ITIH4: variants seen among roughly 807,000 people sequenced by gnomAD.
ITIH4 encodes the protein inter-alpha-trypsin inhibitor heavy chain 4.
ITIH4 carries 79 observed loss-of-function variants against 111.8 expected under a neutral mutation model. The observed-to-expected ratio is 0.71, with a 90% confidence interval of 0.59 to 0.85. The LOEUF is 0.85. Among genes scored for constraint, ITIH4 ranks in the 40% least tolerant of loss-of-function variants. The pLI is 0.00. For missense variants in ITIH4, 1,065 were observed against 1,195.8 expected (o/e 0.89, Z 1.61); for synonymous variants, 472 against 468.3 (o/e 1.01, Z -0.10).
rs141191778 is a variant in ITIH4, at chr3:52,823,594, C to G, written c.1501G>C (p.Gly501Arg). 6.2e-6 allele frequency: 10 copies of G among 1,613,346 alleles called. No homozygotes were observed. Among genetic ancestry groups the G allele is most frequent in the Non-Finnish European group, 8.5e-6 (10 of 1,179,772 alleles). ...MVVAGKLQDR[G>R]PDVLTATVSG... Reference sequence around the variant, plus strand: ...ACTGTGGCTGTGAGCACATCAGGCCCCCGGTCCTGGAGCTTCCCAGCCACC... The same window carrying G: ...ACTGTGGCTGTGAGCACATCAGGCCGCCGGTCCTGGAGCTTCCCAGCCACC... The change falls in exon 11 of 24, where the codon GGG (glycine) becomes CGG (arginine). Residue 501 changes from glycine to arginine, a missense_variant. Gly to Arg is a moderately radical substitution (Grantham distance 125). Transcript: ENST00000266041.
chr3:52,815,000 T>TTGTGTTTAATCA (rs1700255050), intron 21 of ITIH4, among the ~76,000 whole-genome samples: 1 of 152,238 alleles, frequency 6.6e-6, no homozygotes, highest in Admixed American at 6.5e-5. Flanking sequence ...TTTGGATGAC[T>TTGTGTTTAATCA]TGTGTTTAAT....
intron 1 of ITIH4, 127 bp from the exon 2 acceptor site, chr3:52,829,406 C>T (rs987363503): frequency 2.0e-5 from 19 of 959,442 alleles, no homozygotes; most frequent in Non-Finnish European, 2.9e-5. Flanking sequence ...GACTGAGCCA[C>T]TGACCAGGCC....
At chr3:52,823,468 TG>T (rs1700422085) in intron 11 of ITIH4, 87 bp downstream of exon 11, 1 of 1,092,042 alleles carries the variant, frequency 9.2e-7, no homozygotes, top group Non-Finnish European at 1.3e-6. Flanking sequence ...AAGCTGGAGC[TG>T]GGCAGGTCTG....
chr3:52,817,732 T>C (rs977817234), intron 20 of ITIH4, among the ~76,000 whole-genome samples: 2 of 152,250 alleles, frequency 1.3e-5, no homozygotes, highest in Non-Finnish European at 1.5e-5. Flanking sequence ...GCACCCGCCA[T>C]GGCCCTGCCA....
At position 52,823,744 on chromosome 3, in the gene ITIH4, G is replaced by A; in HGVS notation, c.1354-3C>T. ...TTGGCCACTTCCTGGTAGAAGTCCT[G>A]CAGGGTTGGGGGTGTCATAAAGGCT... On this transcript the variant is annotated splice_polypyrimidine_tract_variant and splice_region_variant and intron_variant, in intron 10 of 23. Transcript: ENST00000266041. 1 of 1,614,154 alleles carries A rather than the reference G, an allele frequency of 6.2e-7. No homozygotes were observed. The highest frequency in any genetic ancestry group is 1.1e-5 in the South Asian group (1 of 91,086).
Position 52,817,005 on chromosome 3 carries a change from C to A in ITIH4, c.2350G>T (p.Glu784Ter). 6.2e-7 allele frequency: 1 copy of A among 1,613,968 alleles called. No homozygotes were observed. Among genetic ancestry groups the A allele is most frequent in the Non-Finnish European group, 8.5e-7 (1 of 1,179,946 alleles). The part of the protein sequence containing the change: ...EREKAGFSWI[E>*]VTFKNPLVWV... Reference sequence around the variant, plus strand: ...ACCAGGGGGTTCTTGAAGGTCACTTCGATCCATGAGAACCCAGCCTTCTCC... The same window carrying A: ...ACCAGGGGGTTCTTGAAGGTCACTTAGATCCATGAGAACCCAGCCTTCTCC... Residue 784 changes from glutamate to a stop codon, truncating the protein, a stop_gained, in exon 21 of 24, where the codon GAA becomes TAA. Coordinates refer to ENST00000266041, the MANE Select transcript of ITIH4 (RefSeq NM_002218.5). LOFTEE classifies it high-confidence loss of function.
At chr3:52,826,287 C>A (rs2154111625) in intron 5 of ITIH4, among the ~76,000 whole-genome samples, 1 of 152,344 alleles carries the variant, frequency 6.6e-6, no homozygotes, top group East Asian at 1.9e-4. Flanking sequence ...GGCCCCAGGA[C>A]CCTCACATCA....
chr3:52,816,360 A>G (rs1700277222), intron 21 of ITIH4, among the ~76,000 whole-genome samples: 1 of 152,248 alleles, frequency 6.6e-6, no homozygotes, highest in Admixed American at 6.5e-5. Flanking sequence ...CTCCAAGGAT[A>G]CGCTAAAGAG....
In ITIH4 at chr3:52,813,926, T is replaced by TCCCCA. The variant is rs1246217335; in HGVS notation, c.2723+44_2723+48dup. ...GAGAGCCTGGCTCCTGGCCTGCCAG[T>TCCCCA]CCCCACCCCACCCCAGCTGGGCTCA... On this transcript the variant is annotated intron_variant, in intron 23 of 23. Coordinates refer to ENST00000266041, the MANE Select transcript of ITIH4 (RefSeq NM_002218.5). The TCCCCA allele has an allele frequency of 2.7e-6, 4 of 1,486,074 alleles. No homozygotes were observed. The South Asian group carries it at 3.5e-5, about 13-fold the overall frequency. 92.1% of individuals were successfully genotyped at this position (1,486,074 alleles called of 1,614,324 possible). A position where few individuals can be genotyped will look rare whatever the true frequency, so the allele number is the denominator to read the frequency against.
At chr3:52,827,737 C>A (rs1430265796) in intron 2 of ITIH4, among the ~76,000 whole-genome samples, 2 of 152,196 alleles carry the variant, frequency 1.3e-5, no homozygotes, top group Admixed American at 1.3e-4. Flanking sequence ...GAGGCAGGCA[C>A]CCTATAGGGA....
At chr3:52,821,177 T>C (rs926196322) in intron 11 of ITIH4, 47 bp from the exon 12 acceptor site, 4 of 1,590,578 alleles carry the variant, frequency 2.5e-6, no homozygotes, top group Non-Finnish European at 3.4e-6. Flanking sequence ...GGGCCGGACA[T>C]CTGCATCTGC....
At chr3:52,819,572 C>G (rs1700339782) in intron 16 of ITIH4, 54 bp from the exon 17 acceptor site, 2 of 1,611,162 alleles carry the variant, frequency 1.2e-6, no homozygotes, top group Non-Finnish European at 1.7e-6. Flanking sequence ...TGGGTCTTCA[C>G]AGCCAGGGCT....
intron 2 of ITIH4, among the ~76,000 whole-genome samples, chr3:52,827,628 G>A (rs933417033): frequency 5.3e-5 from 8 of 152,204 alleles, no homozygotes; most frequent in Admixed American, 1.3e-4. Flanking sequence ...CCAGCCCTGC[G>A]TGCAGCCGTG....
intron 18 of ITIH4, 50 bp downstream of exon 18, chr3:52,818,412 C>G (rs1180704520): frequency 6.3e-7 from 1 of 1,579,330 alleles, no homozygotes; most frequent in Non-Finnish European, 8.6e-7. Context: ...ACAGGTCACT[C>G]CCCTCCCAGG....
chr3:52,829,359 T>C, intron 1 of ITIH4, 80 bp from the exon 2 acceptor site: 1 of 1,461,816 alleles, frequency 6.8e-7, no homozygotes, highest in Non-Finnish European at 9.3e-7. Flanking sequence ...GAGTTGGCCC[T>C]GACTCTGGCT....
chr3:52,822,925 C>T (rs1235841158), intron 11 of ITIH4, among the ~76,000 whole-genome samples: 3 of 152,174 alleles, frequency 2.0e-5, no homozygotes, highest in Non-Finnish European at 2.9e-5. Context: ...GCTCCTGGTG[C>T]TGCTCTCCTG....
At chr3:52,823,385 C>T (rs1042745669) in intron 11 of ITIH4, 171 bp downstream of exon 11, 10 of 616,800 alleles carry the variant, frequency 1.6e-5, no homozygotes, top group Non-Finnish European at 2.8e-5. Context: ...ATGTGCTGGT[C>T]TCATGAGAAT....
intron 2 of ITIH4, among the ~76,000 whole-genome samples, chr3:52,828,226 A>C (rs1208130170): frequency 1.3e-5 from 2 of 152,224 alleles, no homozygotes; most frequent in African/African-American, 4.8e-5. Context: ...AGCAGATGCC[A>C]CGGGCCTGGA....
Position 52,821,115 on chromosome 3 carries a change from T to C in ITIH4, c.1555A>G (p.Thr519Ala), listed in dbSNP as rs1700373301. The C allele has an allele frequency of 6.2e-7, 1 of 1,613,394 alleles. No homozygotes were observed. Residue 519 changes from threonine to alanine, a missense_variant, in exon 12 of 24, where the codon ACT becomes GCT. By Grantham distance (58) the Thr-to-Ala change is moderately conservative. Transcript: ENST00000266041. Reference sequence around the variant, plus strand: ...GCCACACTGGACTCCGTTTGGAAAGTGATGTTCTGTGTAGGCTGGAAAGAG... The same window carrying C: ...GCCACACTGGACTCCGTTTGGAAAGCGATGTTCTGTGTAGGCTGGAAAGAG... ...VSGKLPTQNITFQTESSVAEQ... is the reference protein window; with the variant it reads ...VSGKLPTQNIAFQTESSVAEQ...
Sources: allele counts gnomAD v4.1 joint callset (sites outside exome capture counted in the v4.1 genomes callset), GRCh38; gene constraint gnomAD v4.1.1; transcripts MANE v1.5; gene names NCBI Gene and HGNC (gene_info 2026-07-23, HGNC 2026-07-21).